The following CCDC6 variants were observed in gnomAD, a reference collection of about 807,000 sequenced individuals.
The protein encoded by CCDC6 is coiled-coil domain-containing protein 6.
Under a neutral mutation model 56.6 loss-of-function variants are expected in CCDC6, and 20 were observed. The ratio of observed to expected loss-of-function variants is 0.35; its 90% CI spans 0.25 to 0.51. CCDC6 has a LOEUF of 0.51. Ranked by LOEUF, CCDC6 falls within the 20% of genes least tolerant of loss-of-function variation. CCDC6 has a pLI of 0.95. For missense variants in CCDC6, 367 were observed against 601.1 expected (o/e 0.61, Z 4.07); for synonymous variants, 241 against 234.4 (o/e 1.03, Z -0.26).
chr10:59,821,328 AC>A (rs2070748348), intron 3 of CCDC6, among the ~76,000 whole-genome samples: 1 of 152,226 alleles, frequency 6.6e-6, no homozygotes, highest in African/African-American at 2.4e-5. Flanking sequence ...CAAAGCCTTC[AC>A]AAAGTAAAGC....
intron 1 of CCDC6, among the ~76,000 whole-genome samples, chr10:59,898,896 C>G (rs745860869): frequency 1.0e-3 from 152 of 152,240 alleles, no homozygotes; most frequent in Non-Finnish European, 1.7e-3. Flanking sequence ...AATTGCACTC[C>G]ATATGTCTGA....
Position 59,862,542 on chromosome 10 carries a change from C to T in CCDC6, c.304-9840G>A, listed in dbSNP as rs1197700346. Among the ~76,000 whole-genome samples, 119 of 109,480 alleles carry T rather than the reference C, an allele frequency of 1.1e-3. 3 individuals carry two copies. The highest frequency in any genetic ancestry group is 4.4e-3 in the Middle Eastern group (1 of 226). The allele number at this position is 109,480 out of a possible 152,430, so 71.8% of individuals were successfully genotyped here. ...ACACACACACACACACACACACACA[C>T]ACACACACACACACATATATATACA... On this transcript the variant is annotated intron_variant, in intron 1 of 8. Transcript: ENST00000263102.
At chr10:59,892,304 G>GAA (rs1407452523) in intron 1 of CCDC6, among the ~76,000 whole-genome samples, 1 of 152,096 alleles carries the variant, frequency 6.6e-6, no homozygotes, top group Non-Finnish European at 1.5e-5. Flanking sequence ...GACCTATAGG[G>GAA]AAAAAAACCA....
chr10:59,794,609 CA>C lies in CCDC6; in HGVS notation c.1106-13del. ...TGCATATGATAGACCTAAAATATAA[CA>C]ACAAATTAAGTATCATTTTAAGCTC... On this transcript the variant is annotated splice_polypyrimidine_tract_variant and intron_variant, in intron 7 of 8. Coordinates refer to ENST00000263102, the MANE Select transcript of CCDC6 (RefSeq NM_005436.5). 6.2e-7 allele frequency: 1 copy of C among 1,612,762 alleles called. No homozygotes were observed. Among genetic ancestry groups the C allele is most frequent in the South Asian group, 1.1e-5 (1 of 90,948 alleles).
intron 1 of CCDC6, among the ~76,000 whole-genome samples, chr10:59,886,462 A>G (rs936816248): frequency 2.6e-5 from 4 of 152,210 alleles, no homozygotes; most frequent in African/African-American, 9.7e-5. Context: ...TGCAATTTAA[A>G]AGAATATCTG....
At chr10:59,885,149 C>A (rs75372040) in intron 1 of CCDC6, among the ~76,000 whole-genome samples, 2,602 of 152,126 alleles carry the variant, frequency 0.017, 31 homozygotes, top group Middle Eastern at 0.044. Flanking sequence ...ACAGAGAATA[C>A]GTGTGAATCA....
rs1033786230 is a variant in CCDC6, at chr10:59,892,866, G to T, written c.303+13256C>A. 5.3e-5 allele frequency among the ~76,000 whole-genome samples: 8 copies of T among 152,136 alleles called. No individual in the cohort carries two copies. In the East Asian group the frequency reaches 1.4e-3, roughly 26 times the overall value. On this transcript the variant is annotated intron_variant, in intron 1 of 8. Transcript: ENST00000263102. ...TTAATAAGCACATAAGTCCTGTAGG[G>T]CCTGAATGTCCTCTGCTGTGTCACA...
At chr10:59,884,960 AGG>A (rs2132677865) in intron 1 of CCDC6, among the ~76,000 whole-genome samples, 1 of 152,212 alleles carries the variant, frequency 6.6e-6, no homozygotes, top group African/African-American at 2.4e-5. Context: ...GCTGCTTGGG[AGG>A]CTGAGGAAGG....
chr10:59,897,623 A>G (rs1044281329), intron 1 of CCDC6, among the ~76,000 whole-genome samples: 1 of 152,200 alleles, frequency 6.6e-6, no homozygotes, highest in Admixed American at 6.5e-5. Flanking sequence ...AGTTATCTAT[A>G]TGAAACTCCA....
In CCDC6 at chr10:59,882,647, TG is replaced by T. The variant is rs199792375; in HGVS notation, c.303+23474del. Reference sequence around the variant, plus strand: ...GGAAAGCCAGGGAGAAGTGGTGACATGGAAGTGGTAACCTTAAACATTAGTG... The same window carrying T: ...GGAAAGCCAGGGAGAAGTGGTGACATGAAGTGGTAACCTTAAACATTAGTG... On this transcript the variant is annotated intron_variant, in intron 1 of 8. Coordinates refer to ENST00000263102, the MANE Select transcript of CCDC6 (RefSeq NM_005436.5). Among the ~76,000 whole-genome samples, 32 of 59,436 alleles carry T rather than the reference TG, an allele frequency of 5.4e-4. 1 individual carries two copies. Among genetic ancestry groups the T allele is most frequent in the Middle Eastern group, 9.1e-3 (1 of 110 alleles). 39.0% of individuals were successfully genotyped at this position (59,436 alleles called of 152,430 possible).
At chr10:59,872,066 T>C (rs2071234440) in intron 1 of CCDC6, among the ~76,000 whole-genome samples, 1 of 152,246 alleles carries the variant, frequency 6.6e-6, no homozygotes, top group African/African-American at 2.4e-5. Flanking sequence ...TTACACATTT[T>C]ACAAAATTGG....
chr10:59,882,521 G>GAAGGAAAGGAAAGCC (rs2071350070), intron 1 of CCDC6, among the ~76,000 whole-genome samples: 8 of 5,654 alleles, frequency 1.4e-3, no homozygotes, highest in Non-Finnish European at 3.3e-3. Flanking sequence ...AGGAAAGCCA[G>GAAGGAAAGGAAAGCC]GGGGAGAAGG....
intron 3 of CCDC6, among the ~76,000 whole-genome samples, chr10:59,830,293 T>A (rs948109065): frequency 3.3e-5 from 5 of 152,198 alleles, no homozygotes; most frequent in Non-Finnish European, 7.3e-5. Flanking sequence ...CTATAACATA[T>A]ACTACATCGT....
chr10:59,897,347 G>A lies in CCDC6; in HGVS notation c.303+8775C>T, dbSNP rs536024399. Among the ~76,000 whole-genome samples, 6 of 151,778 alleles carry A rather than the reference G, an allele frequency of 4.0e-5. 1 individual carries two copies. The highest frequency in any genetic ancestry group is 3.9e-4 in the East Asian group (2 of 5,146). ...CGGCTCACCGCAACCTCCACCTCCC[G>A]GGTTCAAGCGATTCTCCTGCCTCAG... On this transcript the variant is annotated intron_variant, in intron 1 of 8. Transcript: ENST00000263102.
chr10:59,790,264 A>G lies in CCDC6; in HGVS notation c.*2653T>C, dbSNP rs1339648538. 9.2e-6 allele frequency: 2 copies of G among 218,516 alleles called. No homozygotes were observed. The highest frequency in any genetic ancestry group is 1.8e-5 in the Non-Finnish European group (2 of 108,494). 13.5% of individuals were successfully genotyped at this position (218,516 alleles called of 1,614,324 possible). ...GTCTGCAAGACAGGAAAATGAAGCT[A>G]CTGAAGCCCCTGTTGCTCCCACCTG... On this transcript the variant is annotated 3_prime_UTR_variant, in exon 9 of 9. Transcript: ENST00000263102.
intron 2 of CCDC6, among the ~76,000 whole-genome samples, chr10:59,846,311 C>A (rs2132652705): frequency 6.6e-6 from 1 of 152,276 alleles, no homozygotes; most frequent in African/African-American, 2.4e-5. Flanking sequence ...ATTCTTCTTC[C>A]CAGTTTTATT....
chr10:59,889,189 CA>C (rs2071403973), intron 1 of CCDC6, among the ~76,000 whole-genome samples: 1 of 152,216 alleles, frequency 6.6e-6, no homozygotes, highest in African/African-American at 2.4e-5. Flanking sequence ...GGAAGATATT[CA>C]GGTGCAGAGC....
intron 5 of CCDC6, 110 bp downstream of exon 5, chr10:59,812,525 T>C: frequency 4.1e-6 from 3 of 734,974 alleles, no homozygotes; most frequent in Non-Finnish European, 6.2e-6. Context: ...CAGTAATATA[T>C]GAATTTAATT....
intron 4 of CCDC6, among the ~76,000 whole-genome samples, chr10:59,814,392 G>A (rs2070696062): frequency 6.6e-6 from 1 of 152,186 alleles, no homozygotes; most frequent in African/African-American, 2.4e-5. Flanking sequence ...AACAATAGCA[G>A]CATGACTAAT....
Sources: gnomAD v4.1 joint callset for allele counts (sites outside exome capture counted in the v4.1 genomes callset) on GRCh38, gnomAD v4.1.1 for gene constraint, MANE v1.5 for transcripts, NCBI Gene and HGNC (gene_info 2026-07-23, HGNC 2026-07-21) for gene names.